The following EBF3 variants were observed in gnomAD, a reference collection of about 807,000 sequenced individuals.
The protein encoded by EBF3 is transcription factor COE3.
Under a neutral mutation model 77.1 loss-of-function variants are expected in EBF3, and 18 were observed. The observed-to-expected ratio is 0.23, with a 90% confidence interval of 0.16 to 0.35. The LOEUF is 0.35. Among genes scored for constraint, EBF3 ranks in the 10% least tolerant of loss-of-function variants. The pLI is 1.00. For synonymous variants in EBF3, 350 were observed against 343.5 expected, an observed-to-expected ratio of 1.02 and a Z score of -0.21; for missense variants, 558 against 860.0, an observed-to-expected ratio of 0.65 and a Z score of 4.39.
At chr10:129,857,697 GC>G (rs912837069) in intron 10 of EBF3, among the ~76,000 whole-genome samples, 1 of 152,162 alleles carries the variant, frequency 6.6e-6, no homozygotes, top group African/African-American at 2.4e-5. Flanking sequence ...CAGATACCAG[GC>G]CCCGGGCTGC....
At chr10:129,908,212 C>T (rs113613839) in intron 6 of EBF3, among the ~76,000 whole-genome samples, 143 of 152,220 alleles carry the variant, frequency 9.4e-4, no homozygotes, top group Non-Finnish European at 1.0e-4. Context: ...TATTTTATAC[C>T]GCCTGGCTTT....
At chr10:129,956,835 C>T (rs181454717) in intron 6 of EBF3, among the ~76,000 whole-genome samples, 2 of 152,332 alleles carry the variant, frequency 1.3e-5, no homozygotes, top group African/African-American at 2.4e-5. Context: ...TTCATTCTAA[C>T]GCTGGGCAAC....
chr10:129,932,221 A>G (rs72837174), intron 6 of EBF3, among the ~76,000 whole-genome samples: 2,308 of 152,342 alleles, frequency 0.015, 29 homozygotes, highest in Middle Eastern at 0.048. Context: ...TGTTGCTTTC[A>G]TAACTGTAAC....
intron 10 of EBF3, among the ~76,000 whole-genome samples, chr10:129,859,977 G>A (rs370843295): frequency 1.3e-5 from 2 of 152,208 alleles, no homozygotes; most frequent in East Asian, 3.8e-4. Context: ...GTCCTCTACC[G>A]ACATGTTTGT....
At chr10:129,934,285 C>G (rs1304223803) in intron 6 of EBF3, among the ~76,000 whole-genome samples, 1 of 152,068 alleles carries the variant, frequency 6.6e-6, no homozygotes, top group Non-Finnish European at 1.5e-5. Context: ...TCACGCTCCC[C>G]AGACACTCAG....
chr10:129,959,350 C>T (rs965143575), intron 4 of EBF3, among the ~76,000 whole-genome samples: 3 of 152,006 alleles, frequency 2.0e-5, no homozygotes, highest in Non-Finnish European at 4.4e-5. Flanking sequence ...CCGCTGGCAC[C>T]GACCCCGGAA....
In EBF3 at chr10:129,892,985, C is replaced by T. The variant is rs528020433; in HGVS notation, c.555-15136G>A. Among the ~76,000 whole-genome samples, 34 of 152,372 alleles carry T rather than the reference C, an allele frequency of 2.2e-4. No individual in the cohort carries two copies. The South Asian group carries it at 7.0e-3, about 32-fold the overall frequency. On this transcript the variant is annotated intron_variant, in intron 6 of 16. Coordinates refer to ENST00000440978, the MANE Select transcript of EBF3 (RefSeq NM_001375380.1). The stretch of plus-strand genomic sequence containing the variant: ...AAGTCACGGGCTAATCTGGCACACA[C>T]GGTTCGGAACAGGCTCCTGCCTGAA...
chr10:129,846,422 G>A (rs1850470337), intron 11 of EBF3, among the ~76,000 whole-genome samples: 1 of 151,728 alleles, frequency 6.6e-6, no homozygotes, highest in South Asian at 2.1e-4. Flanking sequence ...CCGAGGAGGG[G>A]GCAGCACTCC....
intron 6 of EBF3, among the ~76,000 whole-genome samples, chr10:129,928,463 T>A (rs2134403330): frequency 6.6e-6 from 1 of 152,328 alleles, no homozygotes; most frequent in East Asian, 1.9e-4. Flanking sequence ...CTAATCCGCC[T>A]TCTCCAGGAT....
intron 8 of EBF3, among the ~76,000 whole-genome samples, chr10:129,872,798 G>A (rs1240160905): frequency 3.3e-5 from 5 of 152,192 alleles, no homozygotes; most frequent in Admixed American, 1.3e-4. Context: ...GGGGCTCGGC[G>A]CAAGGCCCAC....
chr10:129,887,327 T>C (rs1226045725), intron 6 of EBF3, among the ~76,000 whole-genome samples: 2 of 152,222 alleles, frequency 1.3e-5, no homozygotes, highest in African/African-American at 4.8e-5. Flanking sequence ...TAATGTATAA[T>C]ATATGGCTCT....
rs1001193985 is a variant in EBF3 at position 129,841,682 on chromosome 10, G to C, written c.1372+434C>G. On this transcript the variant is annotated intron_variant, in intron 13 of 16. Coordinates refer to ENST00000440978, the MANE Select transcript of EBF3 (RefSeq NM_001375380.1). The surrounding 1 kb of genome is among the most constrained non-coding windows in gnomAD (Gnocchi z 4.6). The stretch of plus-strand genomic sequence containing the variant: ...ACACTGCACTGTGGGATGGGGTGCG[G>C]GGTGGGGAAATGGGGGTCTGTCTCC... Among the ~76,000 whole-genome samples, 1 of 152,152 alleles carries C rather than the reference G, an allele frequency of 6.6e-6. No individual in the cohort carries two copies. The highest frequency in any genetic ancestry group is 6.5e-5 in the Admixed American group (1 of 15,284).
Position 129,867,115 on chromosome 10 carries a change from C to T in EBF3, c.1039+26G>A, listed in dbSNP as rs373028054. 54 of 1,605,862 alleles carry T rather than the reference C, an allele frequency of 3.4e-5. 1 individual carries two copies. The highest frequency in any genetic ancestry group is 1.7e-4 in the Admixed American group (10 of 58,380). Reference sequence around the variant, plus strand: ...GGGGAGGAGGCCTCTACCGCTTTCCCGCAGAAGCTGGAGCTGTGAACTCAC... The same window carrying T: ...GGGGAGGAGGCCTCTACCGCTTTCCTGCAGAAGCTGGAGCTGTGAACTCAC... On this transcript the variant is annotated intron_variant, in intron 10 of 16. Coordinates refer to ENST00000440978, the MANE Select transcript of EBF3 (RefSeq NM_001375380.1).
Position 129,963,040 on chromosome 10 carries a change from A to T in EBF3, c.292-35T>A. On this transcript the variant is annotated intron_variant, in intron 2 of 16. Transcript: ENST00000440978. The surrounding 1 kb of genome is among the most constrained non-coding windows in gnomAD (Gnocchi z 7.1). ...ACGATAAATAATTGCATTTAGTGCG[A>T]TCGGTGTCAGGCGCGGCCACCACGC... 1 of 1,613,648 alleles carries T rather than the reference A, an allele frequency of 6.2e-7. No individual in the cohort carries two copies. The highest frequency in any genetic ancestry group is 8.5e-7 in the Non-Finnish European group (1 of 1,179,652).
intron 10 of EBF3, among the ~76,000 whole-genome samples, chr10:129,854,449 T>C (rs1851105088): frequency 6.6e-6 from 1 of 152,062 alleles, no homozygotes; most frequent in South Asian, 2.1e-4. Flanking sequence ...TTTGCTTTCA[T>C]ATTTTGTCCG....
Position 129,842,158 on chromosome 10 carries a change from G to C in EBF3, c.1330C>G (p.Leu444Val). Reference sequence around the variant, plus strand: ...GACGTCTCTGACACGTTGACGGCTAGCTGGCTGCTGAAGGAGTTGACGCCC... The same window carrying C: ...GACGTCTCTGACACGTTGACGGCTACCTGGCTGCTGAAGGAGTTGACGCCC... ...MMGVNSFSSQ[L>V]AVNVSETSQA... The change falls in exon 13 of 17, where the codon CTA becomes GTA. Residue 444 changes from leucine (L) to valine (V), a missense_variant. Leu to Val is a conservative substitution (Grantham distance 32). This residue lies in a region of EBF3 where 284 missense variants were observed against 368.3 expected (regional missense o/e 0.77). Transcript: ENST00000440978. This position sits in a 1 kb window ranked among gnomAD's most constrained non-coding sequence, Gnocchi z 4.4. 6.2e-7 allele frequency: 1 copy of C among 1,614,254 alleles called. No individual in the cohort carries two copies. The highest frequency in any genetic ancestry group is 8.5e-7 in the Non-Finnish European group (1 of 1,180,046).
intron 6 of EBF3, among the ~76,000 whole-genome samples, chr10:129,917,569 A>T (rs180903460): frequency 1.9e-4 from 26 of 137,918 alleles, no homozygotes; most frequent in African/African-American, 6.6e-4. Context: ...TGAAGCCAGG[A>T]GTTTGAGGCT....
Position 129,864,306 on chromosome 10 carries a change from C to T in EBF3, c.1039+2835G>A, listed in dbSNP as rs532245571. 3.0e-3 allele frequency among the ~76,000 whole-genome samples: 451 copies of T among 152,284 alleles called. No homozygotes were observed. Among genetic ancestry groups the T allele is most frequent in the Non-Finnish European group, 4.5e-3 (307 of 68,008 alleles). On this transcript the variant is annotated intron_variant, in intron 10 of 16. Transcript: ENST00000440978. This position sits in a 1 kb window ranked among gnomAD's most constrained non-coding sequence, Gnocchi z 4.4. ...ATTGGGGGGACGCTGACATCACAGG[C>T]TCCGCCACACCATGTGATACCTGCC...
At chr10:129,855,654 C>T (rs1218264041) in intron 10 of EBF3, among the ~76,000 whole-genome samples, 1 of 152,056 alleles carries the variant, frequency 6.6e-6, no homozygotes, top group Non-Finnish European at 1.5e-5. Context: ...AACGTTTTAA[C>T]CTAAGGGGAG....
Sources: gnomAD v4.1 joint callset for allele counts (sites outside exome capture counted in the v4.1 genomes callset) on GRCh38, gnomAD v4.1.1 for gene constraint, gnomAD v4.1.1 regional missense constraint, Gnocchi (gnomAD v3.1) non-coding constraint, MANE v1.5 for transcripts, NCBI Gene and HGNC (gene_info 2026-07-23, HGNC 2026-07-21) for gene names.